FOXO1: variants seen among roughly 807,000 people sequenced by gnomAD.
FOXO1 encodes forkhead box protein O1.
Under a neutral mutation model 44.1 loss-of-function variants are expected in FOXO1, and 6 were observed. That is an observed-to-expected ratio of 0.14 (90% CI 0.07 to 0.27). The LOEUF (loss-of-function observed/expected upper bound fraction) is 0.27, where lower values mean the gene tolerates loss of function less well. FOXO1 is among the 10% of genes least tolerant of loss of function. The pLI is 1.00. For missense variants in FOXO1, 737 were observed against 888.8 expected (o/e 0.83, Z 2.17); for synonymous variants, 380 against 362.7 (o/e 1.05, Z -0.54).
At chr13:40,593,281 G>A (rs1029198574) in intron 1 of FOXO1, among the ~76,000 whole-genome samples, 3 of 152,128 alleles carry the variant, frequency 2.0e-5, no homozygotes, top group Non-Finnish European at 4.4e-5. Flanking sequence ...GCCCACAATG[G>A]CCTCACAAAG....
intron 1 of FOXO1, among the ~76,000 whole-genome samples, chr13:40,561,839 G>A (rs1874034876): frequency 6.6e-6 from 1 of 151,554 alleles, no homozygotes; most frequent in African/African-American, 2.4e-5. Flanking sequence ...TGTGGTGGCA[G>A]GCGCCAGTAA....
At chr13:40,620,105 A>AAC in intron 1 of FOXO1, 2 of 1,125,144 alleles carry the variant, frequency 1.8e-6, no homozygotes, top group Non-Finnish European at 1.3e-6. Flanking sequence ...CAAGATAGAG[A>AAC]ACACAGAGGT....
At chr13:40,594,891 T>C (rs1253564119) in intron 1 of FOXO1, among the ~76,000 whole-genome samples, 2 of 152,200 alleles carry the variant, frequency 1.3e-5, no homozygotes, top group East Asian at 3.8e-4. Flanking sequence ...CTCACTATGT[T>C]GCCCAGACTA....
In FOXO1 at chr13:40,559,751, G is replaced by C. The variant is rs377056137; in HGVS notation, c.1740C>G (p.Ser580=). The C allele has an allele frequency of 1.5e-5, 24 of 1,613,268 alleles. No homozygotes were observed. In the East Asian group the frequency reaches 4.7e-4, roughly 31 times the overall value. The change falls in exon 2 of 3, where the codon TCC becomes TCG. Residue 580 remains serine, a synonymous_variant. Coordinates refer to ENST00000379561, the MANE Select transcript of FOXO1 (RefSeq NM_002015.4). Reference sequence around the variant, plus strand: ...TGCCATAGCCATTGCAGCTGCTCACGGAGGAGTAGCCCCCCAGGGCACTCA... The same window carrying C: ...TGCCATAGCCATTGCAGCTGCTCACCGAGGAGTAGCCCCCCAGGGCACTCA... ...MQMSALGGYS[S]VSSCNGYGRM... is the part of the protein sequence containing the mutation.
At chr13:40,646,223 AATTG>A (rs761888020) in intron 1 of FOXO1, among the ~76,000 whole-genome samples, 13 of 151,976 alleles carry the variant, frequency 8.6e-5, no homozygotes, top group South Asian at 2.1e-4. Context: ...CAAGCCTATT[AATTG>A]ATTATTTGAG....
chr13:40,576,568 AGGAAG>A (rs1339977662), intron 1 of FOXO1, among the ~76,000 whole-genome samples: 1 of 152,196 alleles, frequency 6.6e-6, no homozygotes, highest in Non-Finnish European at 1.5e-5. Flanking sequence ...CCCACCTAAC[AGGAAG>A]CTGCTGCAGC....
intron 1 of FOXO1, among the ~76,000 whole-genome samples, chr13:40,632,498 G>A (rs2137913898): frequency 6.6e-6 from 1 of 151,996 alleles, no homozygotes; most frequent in African/African-American, 2.4e-5. Flanking sequence ...ATTAGCCAGG[G>A]GTGGTGGTGG....
At chr13:40,651,105 GTTTTTGT>G (rs755270619) in intron 1 of FOXO1, among the ~76,000 whole-genome samples, 22 of 132,964 alleles carry the variant, frequency 1.7e-4, no homozygotes, top group Non-Finnish European at 2.7e-4. Flanking sequence ...TTTGTTTTTT[GTTTTTGT>G]TTTTTTTTAA....
chr13:40,621,869 T>G (rs4941988), intron 1 of FOXO1, among the ~76,000 whole-genome samples: 61,997 of 151,762 alleles, frequency 0.41, 13,796 homozygotes, highest in East Asian at 0.75. Context: ...ATATGTATAG[T>G]TATATAATTC....
At chr13:40,636,855 T>C (rs1204156585) in intron 1 of FOXO1, among the ~76,000 whole-genome samples, 1 of 152,220 alleles carries the variant, frequency 6.6e-6, no homozygotes, top group African/African-American at 2.4e-5. Context: ...GCACAATACC[T>C]GGTGGAGTAC....
At position 40,572,006 on chromosome 13, in the gene FOXO1, A is replaced by G. The variant is rs79197349; in HGVS notation, c.631-11146T>C. Among the ~76,000 whole-genome samples the G allele has an allele frequency of 1.1e-3, 169 of 152,358 alleles. 4 individuals are homozygous for G. The East Asian group carries it at 0.029, about 26-fold the overall frequency. ...AAGCTTTCTAAAATTTTAAAGGACT[A>G]AAGTGAATTTTAAAGTATTTTGTCA... On this transcript the variant is annotated intron_variant, in intron 1 of 2. Coordinates refer to ENST00000379561, the MANE Select transcript of FOXO1 (RefSeq NM_002015.4).
At chr13:40,572,525 C>A (rs60340824) in intron 1 of FOXO1, among the ~76,000 whole-genome samples, 1 of 152,162 alleles carries the variant, frequency 6.6e-6, no homozygotes, top group African/African-American at 2.4e-5. Flanking sequence ...GTAGGGTTTA[C>A]GTAGAATCTT....
At chr13:40,630,677 A>C (rs1033117369) in intron 1 of FOXO1, among the ~76,000 whole-genome samples, 3 of 151,980 alleles carry the variant, frequency 2.0e-5, no homozygotes, top group Admixed American at 6.6e-5. Flanking sequence ...AAAACCAGGA[A>C]AAGCTTGTCA....
rs912948909 is a variant in FOXO1 at position 40,629,235 on chromosome 13, C to T, written c.630+36348G>A. ...TCGGCCCACTGCAACCTCCGCCTCC[C>T]GGGTTCAAGCTATTCTCCTGCCTCA... On this transcript the variant is annotated intron_variant, in intron 1 of 2. Coordinates refer to ENST00000379561, the MANE Select transcript of FOXO1 (RefSeq NM_002015.4). Among the ~76,000 whole-genome samples, 13 of 152,222 alleles carry T rather than the reference C, an allele frequency of 8.5e-5. No homozygotes were observed. In the East Asian group the frequency reaches 1.4e-3, roughly 16 times the overall value.
At chr13:40,570,274 C>A (rs1874434182) in intron 1 of FOXO1, among the ~76,000 whole-genome samples, 1 of 151,418 alleles carries the variant, frequency 6.6e-6, no homozygotes, top group South Asian at 2.1e-4. Flanking sequence ...CGCGCCACTG[C>A]ACTCCAGCCC....
At chr13:40,583,538 A>T (rs1389517052) in intron 1 of FOXO1, among the ~76,000 whole-genome samples, 2 of 152,176 alleles carry the variant, frequency 1.3e-5, no homozygotes, top group Non-Finnish European at 2.9e-5. Context: ...CTTCTGGATA[A>T]CTTGCTGCTC....
intron 1 of FOXO1, among the ~76,000 whole-genome samples, chr13:40,658,698 C>A (rs1046753344): frequency 6.6e-6 from 1 of 152,198 alleles, no homozygotes; most frequent in African/African-American, 2.4e-5. Context: ...GAAACGATTT[C>A]TCAAAGCAAA....
chr13:40,581,373 A>G (rs1874948944), intron 1 of FOXO1, among the ~76,000 whole-genome samples: 3 of 152,226 alleles, frequency 2.0e-5, no homozygotes, highest in African/African-American at 2.4e-5. Flanking sequence ...TTGAGAAACC[A>G]GCTGCTCGCT....
chr13:40,591,718 T>C (rs1420550121), intron 1 of FOXO1, among the ~76,000 whole-genome samples: 1 of 152,202 alleles, frequency 6.6e-6, no homozygotes, highest in African/African-American at 2.4e-5. Flanking sequence ...TATATATTTT[T>C]TGAGACAGAG....
Sources: gnomAD v4.1 joint callset for allele counts (sites outside exome capture counted in the v4.1 genomes callset) on GRCh38, gnomAD v4.1.1 for gene constraint, MANE v1.5 for transcripts, NCBI Gene and HGNC (gene_info 2026-07-23, HGNC 2026-07-21) for gene names.